Variants in IRGM observed in about 807,000 individuals in gnomAD.
IRGM encodes the protein immunity related GTPase M.
For missense variants in IRGM, 288 were observed against 219.9 expected (o/e 1.31, Z -1.96); for synonymous variants, 98 against 80.6 (o/e 1.22, Z -1.16).
At chr5:150,878,171 CT>C (rs35792893) in intron 2 of IRGM, 1,099 of 343,688 alleles carry the variant, frequency 3.2e-3, no homozygotes, top group Admixed American at 4.0e-3. Context: ...AAATAGTAAA[CT>C]TTTTTTTTTG....
At chr5:150,850,576 T>C (rs1753960404), downstream of IRGM, among the ~76,000 whole-genome samples, 1 of 152,150 alleles carries the variant, frequency 6.6e-6, no homozygotes, top group Non-Finnish European at 1.5e-5. Flanking sequence ...ACCCCCCTTT[T>C]TTGAGACAGG....
At chr5:150,890,517 AT>A (rs1754593649) in intron 3 of IRGM, among the ~76,000 whole-genome samples, 2 of 150,922 alleles carry the variant, frequency 1.3e-5, no homozygotes, top group African/African-American at 4.9e-5. Flanking sequence ...AATGCATTTC[AT>A]TTTTTCCTAC....
intron 3 of IRGM, among the ~76,000 whole-genome samples, chr5:150,892,090 G>C (rs927141223): frequency 6.6e-6 from 1 of 151,974 alleles, no homozygotes; most frequent in East Asian, 1.9e-4. Flanking sequence ...GATTATCATA[G>C]GTCTGTATTC....
At chr5:150,891,673 T>A (rs1461273041) in intron 3 of IRGM, among the ~76,000 whole-genome samples, 3 of 152,104 alleles carry the variant, frequency 2.0e-5, no homozygotes, top group Admixed American at 2.0e-4. Context: ...AACATGACCA[T>A]GTTTTGCCAG....
At chr5:150,862,523 G>C (rs886524925) in intron 1 of IRGM, among the ~76,000 whole-genome samples, 3 of 152,180 alleles carry the variant, frequency 2.0e-5, no homozygotes, top group African/African-American at 7.2e-5. Context: ...TCAGCCAATG[G>C]ATTGTGGGGG....
intron 1 of IRGM, among the ~76,000 whole-genome samples, chr5:150,863,233 T>C (rs2113267292): frequency 6.6e-6 from 1 of 152,302 alleles, no homozygotes; most frequent in Non-Finnish European, 1.5e-5. Flanking sequence ...ATGGTATGAC[T>C]AGTGAATATG....
chr5:150,860,043 T>A (rs2113263029), intron 1 of IRGM, among the ~76,000 whole-genome samples: 1 of 152,294 alleles, frequency 6.6e-6, no homozygotes, highest in South Asian at 2.1e-4. Flanking sequence ...AATGCACTAC[T>A]CCCTAAAATA....
At chr5:150,878,468 T>C (rs1309091597) in intron 2 of IRGM, among the ~76,000 whole-genome samples, 1 of 152,102 alleles carries the variant, frequency 6.6e-6, no homozygotes, top group Non-Finnish European at 1.5e-5. Flanking sequence ...CCTCTCTTCC[T>C]CTCTTCCAGC....
intron 3 of IRGM, among the ~76,000 whole-genome samples, chr5:150,888,280 T>C (rs1754555778): frequency 6.6e-6 from 1 of 151,990 alleles, no homozygotes; most frequent in East Asian, 1.9e-4. Context: ...CTATCCTAAA[T>C]ATAAATGCAG....
intron 3 of IRGM, chr5:150,896,427 CAT>C: frequency 6.2e-7 from 1 of 1,613,598 alleles, no homozygotes; most frequent in Non-Finnish European, 8.5e-7. Flanking sequence ...ACATGTAACA[CAT>C]ACACAGCTTT....
downstream of IRGM, among the ~76,000 whole-genome samples, chr5:150,850,372 A>G (rs998747968): frequency 6.6e-6 from 1 of 152,248 alleles, no homozygotes; most frequent in African/African-American, 2.4e-5. Flanking sequence ...ACTGATATAG[A>G]ACAATTACCA....
chr5:150,859,694 G>T (rs1330487363), intron 1 of IRGM, among the ~76,000 whole-genome samples: 1 of 152,168 alleles, frequency 6.6e-6, no homozygotes, highest in Admixed American at 6.5e-5. Context: ...ATTTCTTCTA[G>T]ATTTTCTAGT....
intron 1 of IRGM, among the ~76,000 whole-genome samples, chr5:150,875,808 T>C (rs1358261859): frequency 6.6e-6 from 1 of 152,182 alleles, no homozygotes; most frequent in Admixed American, 6.5e-5. Flanking sequence ...TATGGCACCA[T>C]TCCTTGGGGT....
intron 3 of IRGM, among the ~76,000 whole-genome samples, chr5:150,883,080 A>G (rs1397179647): frequency 6.6e-6 from 1 of 152,148 alleles, no homozygotes; most frequent in African/African-American, 2.4e-5. Flanking sequence ...GAATTTCTAC[A>G]TATTTCATGG....
At chr5:150,898,694 G>A in intron 3 of IRGM, 1 of 917,018 alleles carries the variant, frequency 1.1e-6, no homozygotes, top group Non-Finnish European at 1.6e-6. Context: ...AGCAAGCAGA[G>A]CCAGGCATAT....
intron 2 of IRGM, among the ~76,000 whole-genome samples, chr5:150,879,058 C>G (rs1220458171): frequency 6.6e-6 from 1 of 152,066 alleles, no homozygotes; most frequent in East Asian, 1.9e-4. Context: ...ACTCTTGACT[C>G]TTGAAATTCT....
intron 1 of IRGM, among the ~76,000 whole-genome samples, chr5:150,856,770 T>C (rs1754058171): frequency 6.6e-6 from 1 of 151,400 alleles, no homozygotes; most frequent in Admixed American, 6.6e-5. Flanking sequence ...GCATGGGGCC[T>C]GCTGCATTTT....
chr5:150,871,918 A>G (rs1415834519), intron 1 of IRGM, among the ~76,000 whole-genome samples: 1 of 152,208 alleles, frequency 6.6e-6, no homozygotes. Context: ...GGTAGTCCCT[A>G]CCTAAATACG....
At chr5:150,864,085 C>T (rs986094655) in intron 1 of IRGM, among the ~76,000 whole-genome samples, 1 of 152,058 alleles carries the variant, frequency 6.6e-6, no homozygotes, top group African/African-American at 2.4e-5. Context: ...TCTCTTGGAG[C>T]CCTAAATTTC....
Sources: gnomAD v4.1 joint callset for allele counts (sites outside exome capture counted in the v4.1 genomes callset) on GRCh38, gnomAD v4.1.1 for gene constraint, MANE v1.5 for transcripts, NCBI Gene and HGNC (gene_info 2026-07-23, HGNC 2026-07-21) for gene names.